The following PDE6C variants were observed in gnomAD, a reference collection of about 807,000 sequenced individuals.
PDE6C encodes the protein cone cGMP-specific 3',5'-cyclic phosphodiesterase subunit alpha'.
PDE6C carries 75 observed loss-of-function variants against 113.1 expected under a neutral mutation model. That is an observed-to-expected ratio of 0.66 (90% CI 0.55 to 0.80). The LOEUF (loss-of-function observed/expected upper bound fraction) is 0.80, where lower values mean the gene tolerates loss of function less well. PDE6C is among the 30% of genes least tolerant of loss of function. PDE6C has a pLI of 0.00. For missense variants in PDE6C, 912 were observed against 1,038.6 expected, an observed-to-expected ratio of 0.88 and a Z score of 1.67; for synonymous variants, 375 against 363.7, an observed-to-expected ratio of 1.03 and a Z score of -0.35.
chr10:93,626,751 G>A (rs1472386952), intron 6 of PDE6C, 47 bp downstream of exon 6: 4 of 1,604,026 alleles, frequency 2.5e-6, no homozygotes, highest in Non-Finnish European at 3.4e-6. Flanking sequence ...TTGTATTTTT[G>A]CACATATTGC....
chr10:93,613,315 G>T lies in PDE6C; in HGVS notation c.480+110G>T, dbSNP rs773818398. 3 of 1,447,104 alleles carry T rather than the reference G, an allele frequency of 2.1e-6. No homozygotes were observed. In the Admixed American group the frequency reaches 5.7e-5, roughly 28 times the overall value. The allele number at this position is 1,447,104 out of a possible 1,614,324, so 89.6% of individuals were successfully genotyped here. A position where few individuals can be genotyped will look rare whatever the true frequency, so the allele number is the denominator to read the frequency against. On this transcript the variant is annotated intron_variant, in intron 1 of 21. Coordinates refer to ENST00000371447, the MANE Select transcript of PDE6C (RefSeq NM_006204.4). ...GGCATTAGTTTGGCAATAACCGGGG[G>T]AATGTGGGTGGCAGGGAAGAGGATC...
At chr10:93,639,963 A>G (rs2058551049) in intron 11 of PDE6C, 107 bp from the exon 12 acceptor site, 4 of 1,145,498 alleles carry the variant, frequency 3.5e-6, no homozygotes, top group South Asian at 2.5e-5. Flanking sequence ...TGAATCACAC[A>G]TTGTGTTCTT....
At chr10:93,661,233 A>T (rs1286720788) in intron 18 of PDE6C, among the ~76,000 whole-genome samples, 1 of 152,100 alleles carries the variant, frequency 6.6e-6, no homozygotes, top group African/African-American at 2.4e-5. Context: ...CACTCCCAGC[A>T]TCAATTCCCA....
At chr10:93,663,821 T>G (rs1221713283) in intron 21 of PDE6C, among the ~76,000 whole-genome samples, 2 of 152,212 alleles carry the variant, frequency 1.3e-5, no homozygotes, top group Non-Finnish European at 2.9e-5. Context: ...TAACTATTAG[T>G]TCATCAGATG....
chr10:93,649,923 T>A, intron 15 of PDE6C, among the ~76,000 whole-genome samples: 1 of 152,014 alleles, frequency 6.6e-6, no homozygotes, highest in Admixed American at 6.6e-5. Flanking sequence ...ATCTCTAGAG[T>A]GCCCAATTCC....
At chr10:93,656,920 T>C (rs1330906559) in intron 16 of PDE6C, among the ~76,000 whole-genome samples, 2 of 152,086 alleles carry the variant, frequency 1.3e-5, no homozygotes, top group African/African-American at 4.8e-5. Context: ...CTAAGAATAA[T>C]AAAATGGATA....
rs1335898072 is a variant in PDE6C, at chr10:93,640,223, G to C, written c.1629+7G>C. 1.7e-5 allele frequency: 27 copies of C among 1,610,638 alleles called. No homozygotes were observed. Among genetic ancestry groups the C allele is most frequent in the Non-Finnish European group, 2.3e-5 (27 of 1,176,846 alleles). On this transcript the variant is annotated splice_region_variant and intron_variant, in intron 12 of 21. Transcript: ENST00000371447. ...ATTCAAAGTACCTGTAGAGGTCAGA[G>C]GGTATTTAATTTAAAATACTGTGTG...
Position 93,655,769 on chromosome 10 carries a change from A to G in PDE6C, c.1945A>G (p.Ile649Val). 1 of 1,587,524 alleles carries G rather than the reference A, an allele frequency of 6.3e-7. No individual in the cohort carries two copies. The highest frequency in any genetic ancestry group is 8.7e-7 in the Non-Finnish European group (1 of 1,155,862). Residue 649 changes from isoleucine to valine, a missense_variant, in exon 16 of 22, where the codon ATC (isoleucine) becomes GTC (valine). By Grantham distance (29) the Ile-to-Val change is conservative. Transcript: ENST00000371447. ...KTLLQDESLN[I>V]FQNLNKRQFE... The stretch of plus-strand genomic sequence containing the variant: ...AATTTTCATCTTACAGAGTTTAAAC[A>G]TCTTCCAGAACCTAAATAAGCGGCA...
At chr10:93,651,609 A>C (rs1039295124) in intron 15 of PDE6C, among the ~76,000 whole-genome samples, 1 of 152,084 alleles carries the variant, frequency 6.6e-6, no homozygotes, top group African/African-American at 2.4e-5. Context: ...ACAATTCGAG[A>C]TGAGATTTGG....
intron 8 of PDE6C, among the ~76,000 whole-genome samples, chr10:93,631,280 G>A (rs1266958287): frequency 6.6e-6 from 1 of 152,194 alleles, no homozygotes; most frequent in East Asian, 1.9e-4. Context: ...TCCACCTGTG[G>A]GAAGTGTAGC....
chr10:93,634,710 C>A, intron 8 of PDE6C, 48 bp from the exon 9 acceptor site: 1 of 1,604,444 alleles, frequency 6.2e-7, no homozygotes, highest in South Asian at 1.1e-5. Flanking sequence ...ATGATTATTT[C>A]AAACTAAAAA....
At chr10:93,636,538 T>C (rs1291080020) in intron 10 of PDE6C, among the ~76,000 whole-genome samples, 1 of 152,010 alleles carries the variant, frequency 6.6e-6, no homozygotes, top group Non-Finnish European at 1.5e-5. Flanking sequence ...AAAGGAACTG[T>C]GATAAGCTAA....
chr10:93,630,212 T>C (rs1275300823), intron 8 of PDE6C, among the ~76,000 whole-genome samples: 1 of 152,050 alleles, frequency 6.6e-6, no homozygotes, highest in Non-Finnish European at 1.5e-5. Context: ...CTGCCTCCAC[T>C]CACCGCCAGA....
At chr10:93,636,073 G>T (rs564150254) in intron 10 of PDE6C, among the ~76,000 whole-genome samples, 20 of 152,194 alleles carry the variant, frequency 1.3e-4, no homozygotes, top group African/African-American at 4.1e-4. Context: ...CTATGAATTT[G>T]GTTTGCTCTA....
At chr10:93,644,982 A>G (rs2058577628) in intron 14 of PDE6C, among the ~76,000 whole-genome samples, 1 of 151,292 alleles carries the variant, frequency 6.6e-6, no homozygotes. Flanking sequence ...TGTCATTTGC[A>G]GCAATATGGA....
chr10:93,662,677 A>G (rs373272363), intron 20 of PDE6C, 34 bp downstream of exon 20: 2 of 993,990 alleles, frequency 2.0e-6, no homozygotes, highest in Non-Finnish European at 3.2e-6. Flanking sequence ...TAAATACATA[A>G]ACATTTGGAT....
chr10:93,641,213 T>G (rs528446083), intron 14 of PDE6C, among the ~76,000 whole-genome samples, 184 bp downstream of exon 14: 13 of 152,306 alleles, frequency 8.5e-5, no homozygotes, highest in Non-Finnish European at 1.6e-4. Context: ...TCTTTCTCCC[T>G]AGGTTCTTGC....
intron 4 of PDE6C, among the ~76,000 whole-genome samples, chr10:93,624,972 C>T (rs1007819219): frequency 3.3e-5 from 5 of 152,156 alleles, no homozygotes; most frequent in Non-Finnish European, 5.9e-5. Flanking sequence ...CTCTCATCAG[C>T]TTTTATCTGA....
chr10:93,649,159 A>G (rs1038804974), intron 15 of PDE6C, among the ~76,000 whole-genome samples: 2 of 152,290 alleles, frequency 1.3e-5, no homozygotes, highest in East Asian at 3.9e-4. Context: ...AAAATAAAAA[A>G]GATTCTTTCC....
Sources: allele counts gnomAD v4.1 joint callset (sites outside exome capture counted in the v4.1 genomes callset), GRCh38; gene constraint gnomAD v4.1.1; transcripts MANE v1.5; gene names NCBI Gene and HGNC (gene_info 2026-07-23, HGNC 2026-07-21).